MLXIP: variants seen among roughly 807,000 people sequenced by gnomAD.
MLXIP encodes the protein MLX interacting protein.
MLXIP carries 30 observed loss-of-function variants against 87.2 expected under a neutral mutation model. The observed-to-expected ratio is 0.34, with a 90% CI of 0.26 to 0.47. MLXIP has a LOEUF of 0.47. Ranked by LOEUF, MLXIP falls within the 20% of genes least tolerant of loss-of-function variation. The pLI is 1.00. For synonymous variants in MLXIP, 530 were observed against 514.0 expected (o/e 1.03, Z -0.42); for missense variants, 1,002 against 1,240.1 (o/e 0.81, Z 2.88).
rs1356324860 is a variant in MLXIP, at chr12:122,129,992, G to A, written c.790G>A (p.Val264Ile). The A allele has an allele frequency of 9.3e-6, 15 of 1,613,978 alleles. No homozygotes were observed. Among genetic ancestry groups the A allele is most frequent in the Admixed American group, 5.0e-5 (3 of 60,016 alleles). Residue 264 changes from valine to isoleucine, a missense_variant, in exon 6 of 17, where the codon GTC becomes ATC. Transcript: ENST00000319080. ...HKHGDGWKTP[V>I]PMEEDPLLDT... ...GCACGGGGATGGATGGAAGACCCCC[G>A]TCCCCATGGAGGAGGATCCCCTGCT... is the stretch of plus-strand genomic sequence containing the variant.
rs543817626 is a variant in MLXIP at position 122,138,432 on chromosome 12, C to T, written c.2265C>T (p.His755=). 9.8e-5 allele frequency: 158 copies of T among 1,613,762 alleles called. No homozygotes were observed. The highest frequency in any genetic ancestry group is 1.2e-4 in the Non-Finnish European group (142 of 1,179,848). ...LISNNSKLTS[H]AITLQKTVEY... Reference sequence around the variant, plus strand: ...ACCTGCCCCTTCTGCAGACCAGTCACGCCATCACACTGCAGAAGACTGTGG... The same window carrying T: ...ACCTGCCCCTTCTGCAGACCAGTCATGCCATCACACTGCAGAAGACTGTGG... The change falls in exon 14 of 17, where the codon CAC becomes CAT. Residue 755 remains histidine, a synonymous_variant. Transcript: ENST00000319080.
At chr12:122,081,017 C>A (rs2135885564) in intron 1 of MLXIP, among the ~76,000 whole-genome samples, 1 of 122,338 alleles carries the variant, frequency 8.2e-6, no homozygotes, top group Admixed American at 7.9e-5. Flanking sequence ...AAATCAGTCT[C>A]CCCTTTGCAC....
chr12:122,134,306 T>A, intron 9 of MLXIP: 1 of 363,328 alleles, frequency 2.8e-6, no homozygotes, highest in South Asian at 4.3e-5. Flanking sequence ...GCGATTCTCC[T>A]TCGTCAGCCT....
chr12:122,094,683 G>A (rs1952320347), intron 1 of MLXIP, among the ~76,000 whole-genome samples: 1 of 145,092 alleles, frequency 6.9e-6, no homozygotes, highest in Non-Finnish European at 1.5e-5. Context: ...TGTGTGCGAT[G>A]TCTGTTGTGT....
intron 1 of MLXIP, among the ~76,000 whole-genome samples, chr12:122,121,549 T>C (rs1952784981): frequency 6.6e-6 from 1 of 151,960 alleles, no homozygotes; most frequent in Non-Finnish European, 1.5e-5. Context: ...AGATTACAGG[T>C]GTGAGCCACC....
In MLXIP at chr12:122,129,964, C is replaced by T. The variant is rs1254394641; in HGVS notation, c.762C>T (p.His254=). The T allele has an allele frequency of 1.9e-6, 3 of 1,613,494 alleles. No homozygotes were observed. The highest frequency in any genetic ancestry group is 2.2e-5 in the South Asian group (2 of 91,006). Residue 254 remains histidine, a synonymous_variant, in exon 6 of 17, where the codon CAC becomes CAT. Coordinates refer to ENST00000319080, the MANE Select transcript of MLXIP (RefSeq NM_014938.6). ...LVQDDDMLYW[H]KHGDGWKTPV... The stretch of plus-strand genomic sequence containing the variant: ...AGGACGATGACATGCTGTATTGGCA[C>T]AAGCACGGGGATGGATGGAAGACCC...
At chr12:122,128,807 G>T in intron 3 of MLXIP, 1 of 250,452 alleles carries the variant, frequency 4.0e-6, no homozygotes, top group Non-Finnish European at 7.8e-6. Flanking sequence ...GGCATTTATG[G>T]GGGGGCTTGG....
At chr12:122,096,135 A>G (rs922982829) in intron 1 of MLXIP, among the ~76,000 whole-genome samples, 14 of 150,836 alleles carry the variant, frequency 9.3e-5, no homozygotes, top group African/African-American at 3.2e-4. Flanking sequence ...TGGGCTGCAA[A>G]TGTGTGATCA....
chr12:122,093,685 G>A (rs1432724194), intron 1 of MLXIP, among the ~76,000 whole-genome samples: 2 of 127,356 alleles, frequency 1.6e-5, no homozygotes, highest in Non-Finnish European at 3.3e-5. Context: ...GTATGTGTGC[G>A]GTGTTGGTGT....
At chr12:122,121,760 T>C (rs963519006) in intron 1 of MLXIP, among the ~76,000 whole-genome samples, 1 of 152,216 alleles carries the variant, frequency 6.6e-6, no homozygotes, top group Non-Finnish European at 1.5e-5. Flanking sequence ...AAGCAGTCTC[T>C]TGCCAGCCCT....
Position 122,141,187 on chromosome 12 carries a change from G to GC in MLXIP, c.2638+104_2638+105insC. ...GCCAGACTCCACTGCAGGCAGCCAG[G>GC]TGGGGCCGGGGCAGGGGCACAGTGC... is the stretch of plus-strand genomic sequence containing the variant. On this transcript the variant is annotated intron_variant, in intron 16 of 16. Coordinates refer to ENST00000319080, the MANE Select transcript of MLXIP (RefSeq NM_014938.6). 4.8e-6 allele frequency: 7 copies of GC among 1,451,816 alleles called. No individual in the cohort carries two copies. In the South Asian group the frequency reaches 9.7e-5, roughly 20 times the overall value. The allele number at this position is 1,451,816 out of a possible 1,614,324, so 89.9% of individuals were successfully genotyped here. A position where few individuals can be genotyped will look rare whatever the true frequency, so the allele number is the denominator to read the frequency against.
At chr12:122,098,611 T>C (rs1234890030) in intron 1 of MLXIP, among the ~76,000 whole-genome samples, 1 of 152,206 alleles carries the variant, frequency 6.6e-6, no homozygotes, top group Non-Finnish European at 1.5e-5. Flanking sequence ...ATGGGTTGGC[T>C]GATGTTGGTT....
rs2136003800 is a variant in MLXIP at position 122,145,950 on chromosome 12, C to G, written c.*4138C>G. ...GGCCGCTGCCTCGCCCGCCTGAGGC[C>G]TCCTAGCAGGCAGCCTGGGTGTGAG... On this transcript the variant is annotated 3_prime_UTR_variant, in exon 17 of 17. Transcript: ENST00000319080. 1 of 152,540 alleles carries G rather than the reference C, an allele frequency of 6.6e-6. No homozygotes were observed. Among genetic ancestry groups the G allele is most frequent in the Admixed American group, 6.5e-5 (1 of 15,296 alleles). 9.4% of individuals were successfully genotyped at this position (152,540 alleles called of 1,614,324 possible).
In MLXIP at chr12:122,138,236, T is replaced by C; in HGVS notation, c.2197T>C (p.Phe733Leu). 6.2e-7 allele frequency: 1 copy of C among 1,612,454 alleles called. No homozygotes were observed. Among genetic ancestry groups the C allele is most frequent in the Non-Finnish European group, 8.5e-7 (1 of 1,179,278 alleles). Residue 733 changes from phenylalanine (F) to leucine (L), a missense_variant, in exon 13 of 17, where the codon TTC becomes CTC. Around this residue, in one of 3 missense-constraint regions of MLXIP, gnomAD observed 746 missense variants for 897.0 expected, o/e 0.83. Coordinates refer to ENST00000319080, the MANE Select transcript of MLXIP (RefSeq NM_014938.6). ...CATCTCAGCTGAGCAGAAAAGGCGC[T>C]TCAACATCAAGATGTGCTTCGACAT... is the stretch of plus-strand genomic sequence containing the variant. ...KHISAEQKRR[F>L]NIKMCFDMLN...
intron 1 of MLXIP, among the ~76,000 whole-genome samples, chr12:122,114,135 G>A (rs747252642): frequency 6.6e-5 from 10 of 152,078 alleles, no homozygotes; most frequent in Non-Finnish European, 1.3e-4. Context: ...TTACAGGCAT[G>A]TGCTACCACA....
At chr12:122,099,008 C>T (rs1385914263) in intron 1 of MLXIP, among the ~76,000 whole-genome samples, 8 of 152,166 alleles carry the variant, frequency 5.3e-5, no homozygotes, top group Non-Finnish European at 8.8e-5. Flanking sequence ...GAGGTCAAGG[C>T]GGGAGGATCA....
At chr12:122,095,303 G>A (rs929122726) in intron 1 of MLXIP, among the ~76,000 whole-genome samples, 1 of 151,596 alleles carries the variant, frequency 6.6e-6, no homozygotes, top group Non-Finnish European at 1.5e-5. Flanking sequence ...TGTGTGGGGG[G>A]GTGTGTGTTT....
At position 122,098,083 on chromosome 12, in the gene MLXIP, C is replaced by T. The variant is rs556462264; in HGVS notation, c.413+18817C>T. Among the ~76,000 whole-genome samples, 6 of 152,304 alleles carry T rather than the reference C, an allele frequency of 3.9e-5. No individual in the cohort carries two copies. In the East Asian group the frequency reaches 5.8e-4, roughly 15 times the overall value. On this transcript the variant is annotated intron_variant, in intron 1 of 16. Transcript: ENST00000319080. ...GGCCTGTGTGGAGCCAGCTGCGCTG[C>T]GCCTGATAAGTTTGTTTGCTTATCT...
At chr12:122,113,281 A>G (rs970200093) in intron 1 of MLXIP, among the ~76,000 whole-genome samples, 1 of 152,106 alleles carries the variant, frequency 6.6e-6, no homozygotes, top group Non-Finnish European at 1.5e-5. Flanking sequence ...TTGTTTTGAG[A>G]CAGGGTCTCA....
Sources: allele counts gnomAD v4.1 joint callset (sites outside exome capture counted in the v4.1 genomes callset), GRCh38; gene constraint gnomAD v4.1.1; regional missense constraint gnomAD v4.1.1; transcripts MANE v1.5; gene names NCBI Gene and HGNC (gene_info 2026-07-23, HGNC 2026-07-21).